BCL11A: variants seen among roughly 807,000 people sequenced by gnomAD.
BCL11A encodes the protein B cell CLL/lymphoma 11A.
In BCL11A, 2 loss-of-function variants were observed where a neutral mutation model predicts 55.9. The observed-to-expected ratio is 0.04, with a 90% confidence interval of 0.01 to 0.11. BCL11A has a LOEUF of 0.11. Ranked by LOEUF, BCL11A falls within the 10% of genes least tolerant of loss-of-function variation. The pLI is 1.00. For synonymous variants in BCL11A, 465 were observed against 473.4 expected, an observed-to-expected ratio of 0.98 and a Z score of 0.23; for missense variants, 817 against 1,137.1, an observed-to-expected ratio of 0.72 and a Z score of 4.05.
chr2:60,452,670 G>GA (rs113307140), downstream of BCL11A: 3,150 of 1,610,670 alleles, frequency 2.0e-3, 4 homozygotes, highest in Non-Finnish European at 2.4e-3. Context: ...GAAGAACCTA[G>GA]AAAGAGGTTG....
At chr2:60,465,544 T>C (rs570576244) in intron 3 of BCL11A, among the ~76,000 whole-genome samples, 1 of 152,236 alleles carries the variant, frequency 6.6e-6, no homozygotes, top group Non-Finnish European at 1.5e-5. Context: ...CCCCCATTTC[T>C]AGTATGTCAC....
chr2:60,479,953 G>T (rs1677860460), intron 2 of BCL11A, among the ~76,000 whole-genome samples: 1 of 152,210 alleles, frequency 6.6e-6, no homozygotes, highest in African/African-American at 2.4e-5. Flanking sequence ...AAGTTGACAG[G>T]TTGGGACAAC....
chr2:60,495,919 C>T (rs1215026681), intron 2 of BCL11A, among the ~76,000 whole-genome samples: 1 of 152,090 alleles, frequency 6.6e-6, no homozygotes, highest in Non-Finnish European at 1.5e-5. Context: ...TGTCATTTTT[C>T]TGAGAGTCTC....
At position 60,459,869 on chromosome 2, in the gene BCL11A, C is replaced by A; in HGVS notation, c.*535G>T. ...AGGGTTAATCCAAAGACTGTTTTTC[C>A]TCCTCACGTTATAAAATAAAACTGT... On this transcript the variant is annotated 3_prime_UTR_variant, in exon 4 of 4. Coordinates refer to ENST00000642384, the MANE Select transcript of BCL11A (RefSeq NM_022893.4). 9.5e-7 allele frequency: 1 copy of A among 1,047,216 alleles called. No individual in the cohort carries two copies. Among genetic ancestry groups the A allele is most frequent in the East Asian group, 5.6e-5 (1 of 17,798 alleles). The allele number at this position is 1,047,216 out of a possible 1,614,324, so 64.9% of individuals were successfully genotyped here. A position where few individuals can be genotyped will look rare whatever the true frequency, so the allele number is the denominator to read the frequency against.
At position 60,467,147 on chromosome 2, in the gene BCL11A, ATGGTGG is replaced by A. The variant is rs200378268; in HGVS notation, c.487+1579_487+1584del. Among the ~76,000 whole-genome samples the A allele has an allele frequency of 6.7e-3, 302 of 45,064 alleles. 4 individuals carry two copies. Among genetic ancestry groups the A allele is most frequent in the African/African-American group, 0.019 (273 of 14,126 alleles). 29.6% of individuals were successfully genotyped at this position (45,064 alleles called of 152,430 possible). ...GGTGGTGATGGTGGTGTTGGTGGTG[ATGGTGG>A]TGGTGGTGGTGGTGATGGTGGTGGT... On this transcript the variant is annotated intron_variant, in intron 3 of 3. Coordinates refer to ENST00000642384, the MANE Select transcript of BCL11A (RefSeq NM_022893.4).
At chr2:60,512,769 A>G (rs1042760454) in intron 2 of BCL11A, among the ~76,000 whole-genome samples, 3 of 152,198 alleles carry the variant, frequency 2.0e-5, no homozygotes, top group Non-Finnish European at 4.4e-5. Flanking sequence ...CAGCCTTATG[A>G]AGACAGTTTA....
Position 60,488,862 on chromosome 2 carries a change from C to T in BCL11A, c.386-20029G>A, listed in dbSNP as rs1177594840. Among the ~76,000 whole-genome samples, 4 of 152,330 alleles carry T rather than the reference C, an allele frequency of 2.6e-5. No individual in the cohort carries two copies. In the East Asian group the frequency reaches 7.7e-4, roughly 29 times the overall value. On this transcript the variant is annotated intron_variant, in intron 2 of 3. Transcript: ENST00000642384. ...GCAATCTCCGCCTCCCGGGTTCAAG[C>T]GATTCTCCTGCCTCAGCCTCCCAAG...
chr2:60,510,611 G>A (rs1318809971), intron 2 of BCL11A, among the ~76,000 whole-genome samples: 2 of 152,202 alleles, frequency 1.3e-5, no homozygotes, highest in African/African-American at 4.8e-5. Flanking sequence ...AGCTAGAAAG[G>A]GGGTGCCACA....
At chr2:60,504,649 T>C (rs1296475964) in intron 2 of BCL11A, among the ~76,000 whole-genome samples, 1 of 152,186 alleles carries the variant, frequency 6.6e-6, no homozygotes, top group Non-Finnish European at 1.5e-5. Context: ...GAACGTTCTC[T>C]CAGCATTTCA....
chr2:60,529,737 A>C (rs1669363657), intron 2 of BCL11A, among the ~76,000 whole-genome samples: 1 of 152,232 alleles, frequency 6.6e-6, no homozygotes. Context: ...CAGGGGAAGT[A>C]AATGTGATTT....
At chr2:60,550,282 C>CG (rs1223169449) in intron 1 of BCL11A, among the ~76,000 whole-genome samples, 1 of 152,186 alleles carries the variant, frequency 6.6e-6, no homozygotes, top group African/African-American at 2.4e-5. Context: ...GGGTGTCGGC[C>CG]GCGCGCCCGG....
chr2:60,482,301 G>A (rs1678007364), intron 2 of BCL11A, among the ~76,000 whole-genome samples: 1 of 152,134 alleles, frequency 6.6e-6, no homozygotes, highest in South Asian at 2.1e-4. Context: ...AGGGTGTGCA[G>A]TGGAGGAGGT....
downstream of BCL11A, among the ~76,000 whole-genome samples, chr2:60,454,432 G>T (rs1675855427): frequency 6.6e-6 from 1 of 151,994 alleles, no homozygotes; most frequent in African/African-American, 2.4e-5. Flanking sequence ...TATCGGCAAA[G>T]TTCCCACAAT....
intron 1 of BCL11A, among the ~76,000 whole-genome samples, chr2:60,548,608 G>A (rs1670257560): frequency 6.6e-6 from 1 of 152,126 alleles, no homozygotes; most frequent in Non-Finnish European, 1.5e-5. Flanking sequence ...ATGATCAAAT[G>A]TACAGATATA....
intron 2 of BCL11A, among the ~76,000 whole-genome samples, chr2:60,490,641 A>G (rs74958177): frequency 0.018 from 2,704 of 152,242 alleles, 77 homozygotes; most frequent in African/African-American, 0.062. Flanking sequence ...ACTCATATCT[A>G]GGCCTTACAT....
chr2:60,458,742 C>G lies in BCL11A; in HGVS notation c.*1662G>C, dbSNP rs960514103. Reference sequence around the variant, plus strand: ...AGTGCACTTAATTGTCCTATCTGAGCAGGTTTATTTTATACTCAACCTCTG... The same window carrying G: ...AGTGCACTTAATTGTCCTATCTGAGGAGGTTTATTTTATACTCAACCTCTG... On this transcript the variant is annotated 3_prime_UTR_variant, in exon 4 of 4. Transcript: ENST00000642384. 8 of 1,032,686 alleles carry G rather than the reference C, an allele frequency of 7.7e-6. No individual in the cohort carries two copies. The African/African-American group carries it at 1.4e-4, about 17-fold the overall frequency. The allele number at this position is 1,032,686 out of a possible 1,614,324, so 64.0% of individuals were successfully genotyped here. A position where few individuals can be genotyped will look rare whatever the true frequency, so the allele number is the denominator to read the frequency against.
intron 2 of BCL11A, chr2:60,545,720 G>T (rs892334687): frequency 1.7e-5 from 8 of 467,088 alleles, no homozygotes; most frequent in Admixed American, 1.1e-4. Context: ...AAAATCGACA[G>T]ATCCAGAGAG....
At chr2:60,462,617 TC>T (rs1215499133) in intron 3 of BCL11A, among the ~76,000 whole-genome samples, 193 bp from the exon 4 acceptor site, 4 of 152,176 alleles carry the variant, frequency 2.6e-5, no homozygotes, top group African/African-American at 7.2e-5. Flanking sequence ...CAATTGATCT[TC>T]CTGCCATTAA....
At chr2:60,488,987 C>T (rs766167785) in intron 2 of BCL11A, among the ~76,000 whole-genome samples, 9 of 152,076 alleles carry the variant, frequency 5.9e-5, no homozygotes, top group Non-Finnish European at 1.2e-4. Flanking sequence ...CTCAAACTCC[C>T]GACCTTAGGT....
Sources: gnomAD v4.1 joint callset for allele counts (sites outside exome capture counted in the v4.1 genomes callset) on GRCh38, gnomAD v4.1.1 for gene constraint, MANE v1.5 for transcripts, NCBI Gene and HGNC (gene_info 2026-07-23, HGNC 2026-07-21) for gene names.